Variants in PABPC4L observed in about 807,000 individuals in gnomAD.
PABPC4L encodes the protein polyadenylate-binding protein 4-like.
For synonymous variants in PABPC4L, 169 were observed against 164.1 expected (o/e 1.03, Z -0.23); for missense variants, 452 against 451.4 (o/e 1.00, Z -0.01).
the PABPC4L span, among the ~76,000 whole-genome samples, chr4:134,125,871 C>T: frequency 6.6e-6 from 1 of 151,806 alleles, no homozygotes; most frequent in Admixed American, 6.6e-5. Flanking sequence ...TGTTTATTCA[C>T]ACACACACAC....
At chr4:134,014,433 C>A in the PABPC4L span, among the ~76,000 whole-genome samples, 6 of 152,200 alleles carry the variant, frequency 3.9e-5, no homozygotes, top group African/African-American at 1.4e-4. Context: ...CTGCCTCCCC[C>A]AGGAACTTGC....
chr4:134,182,525 C>A, the PABPC4L span, among the ~76,000 whole-genome samples: 2 of 151,946 alleles, frequency 1.3e-5, no homozygotes, highest in African/African-American at 4.8e-5. Flanking sequence ...AAGTACCATT[C>A]TGGACATAGG....
At chr4:133,997,688 C>G in the PABPC4L span, among the ~76,000 whole-genome samples, 2 of 152,050 alleles carry the variant, frequency 1.3e-5, no homozygotes, top group Non-Finnish European at 2.9e-5. Flanking sequence ...TTTCAACTCT[C>G]ATGGAATGAC....
At chr4:133,987,189 G>T in the PABPC4L span, among the ~76,000 whole-genome samples, 1 of 152,124 alleles carries the variant, frequency 6.6e-6, no homozygotes, top group Non-Finnish European at 1.5e-5. Flanking sequence ...TGTCAATACT[G>T]CTCATATCAC....
chr4:133,998,515 G>T, the PABPC4L span, among the ~76,000 whole-genome samples: 1 of 151,914 alleles, frequency 6.6e-6, no homozygotes, highest in Non-Finnish European at 1.5e-5. Context: ...TTTGCTATTT[G>T]ATGAGATGTT....
the PABPC4L span, among the ~76,000 whole-genome samples, chr4:134,134,846 T>G: frequency 0.013 from 1,934 of 151,968 alleles, 43 homozygotes; most frequent in African/African-American, 0.041. Flanking sequence ...TGCTGGAAAC[T>G]GGATTGAGAG....
At chr4:133,970,258 T>A in the PABPC4L span, among the ~76,000 whole-genome samples, 232 of 152,156 alleles carry the variant, frequency 1.5e-3, no homozygotes, top group Non-Finnish European at 3.0e-3. Context: ...CTCTGGCCAA[T>A]TTCTTTTTAG....
chr4:134,112,612 A>G, the PABPC4L span, among the ~76,000 whole-genome samples: 1 of 150,240 alleles, frequency 6.7e-6, no homozygotes, highest in African/African-American at 2.5e-5. Context: ...CTATCTATCT[A>G]TCTATATATC....
At chr4:134,176,950 C>A in the PABPC4L span, among the ~76,000 whole-genome samples, 7 of 152,106 alleles carry the variant, frequency 4.6e-5, no homozygotes, top group Admixed American at 3.3e-4. Flanking sequence ...TTGAGCCCTG[C>A]AGCAGACCTA....
the PABPC4L span, among the ~76,000 whole-genome samples, chr4:134,123,354 G>GA: frequency 6.6e-6 from 1 of 152,092 alleles, no homozygotes; most frequent in South Asian, 2.1e-4. Context: ...ACACAAATGA[G>GA]AAAAAATGTG....
At chr4:134,074,005 C>G in the PABPC4L span, among the ~76,000 whole-genome samples, 1 of 152,158 alleles carries the variant, frequency 6.6e-6, no homozygotes, top group Non-Finnish European at 1.5e-5. Context: ...TCTGACATGC[C>G]CTGGAGACAT....
the PABPC4L span, among the ~76,000 whole-genome samples, chr4:134,039,808 T>A: frequency 6.6e-6 from 1 of 152,000 alleles, no homozygotes; most frequent in Non-Finnish European, 1.5e-5. Context: ...AATGGGGTAT[T>A]TAGCCCATTT....
chr4:134,045,457 G>C, the PABPC4L span, among the ~76,000 whole-genome samples: 1 of 152,132 alleles, frequency 6.6e-6, no homozygotes, highest in African/African-American at 2.4e-5. Context: ...TGCACTCAGT[G>C]TCATAAAAGT....
chr4:134,087,752 T>C, the PABPC4L span, among the ~76,000 whole-genome samples: 2 of 152,186 alleles, frequency 1.3e-5, no homozygotes, highest in Non-Finnish European at 2.9e-5. Flanking sequence ...GAAGGCACTA[T>C]TCTCTACTCT....
chr4:134,099,397 C>A, the PABPC4L span, among the ~76,000 whole-genome samples: 3 of 151,534 alleles, frequency 2.0e-5, no homozygotes, highest in African/African-American at 7.3e-5. Context: ...ATATACTTAA[C>A]CTTTATATGC....
downstream of PABPC4L, among the ~76,000 whole-genome samples, chr4:134,194,910 G>T (rs928372743): frequency 2.6e-5 from 4 of 151,702 alleles, no homozygotes; most frequent in African/African-American, 9.7e-5. Flanking sequence ...AGTAATGGAA[G>T]GCCATGAAAG....
the PABPC4L span, among the ~76,000 whole-genome samples, chr4:134,074,987 T>C: frequency 0.017 from 2,641 of 152,238 alleles, 71 homozygotes; most frequent in African/African-American, 0.057. Flanking sequence ...TTAAGACAAT[T>C]GAAAATAATC....
the PABPC4L span, among the ~76,000 whole-genome samples, chr4:134,173,569 C>G: frequency 6.6e-6 from 1 of 151,796 alleles, no homozygotes; most frequent in Non-Finnish European, 1.5e-5. Context: ...TGGTAGTTGG[C>G]AGGGAGGATG....
chr4:134,019,409 CT>C, the PABPC4L span, among the ~76,000 whole-genome samples: 1 of 152,120 alleles, frequency 6.6e-6, no homozygotes, highest in Non-Finnish European at 1.5e-5. Context: ...CTCTTTATAA[CT>C]TTCTGTTTCT....
Sources: gnomAD v4.1 joint callset for allele counts (sites outside exome capture counted in the v4.1 genomes callset) on GRCh38, gnomAD v4.1.1 for gene constraint, MANE v1.5 for transcripts, NCBI Gene and HGNC (gene_info 2026-07-23, HGNC 2026-07-21) for gene names.